Variants in SCARA3 observed in about 807,000 individuals in gnomAD.
SCARA3 encodes scavenger receptor class A member 3, also known as cellular stress response gene protein.
In SCARA3, 39 loss-of-function variants were observed where a neutral mutation model predicts 47.0. That is an observed-to-expected ratio of 0.83 (90% confidence interval 0.64 to 1.08). SCARA3 has a LOEUF of 1.08. Ranked by LOEUF, SCARA3 falls within the 50% of genes least tolerant of loss-of-function variation. The pLI, the probability that SCARA3 is intolerant of heterozygous loss-of-function variation, is 0.00. For synonymous variants in SCARA3, 356 were observed against 334.1 expected (o/e 1.07, Z -0.71); for missense variants, 724 against 792.3 (o/e 0.91, Z 1.04).
intron 5 of SCARA3, among the ~76,000 whole-genome samples, chr8:27,669,693 C>T (rs1013065770): frequency 7.2e-5 from 11 of 152,364 alleles, no homozygotes; most frequent in African/African-American, 2.2e-4. Flanking sequence ...GGCAGGGAAC[C>T]GACTGGAAGG....
At chr8:27,700,472 TG>T in the SCARA3 span, among the ~76,000 whole-genome samples, 1 of 151,982 alleles carries the variant, frequency 6.6e-6, no homozygotes, top group Non-Finnish European at 1.5e-5. Flanking sequence ...CTGGGCATGG[TG>T]GTGGGCTCCT....
chr8:27,720,240 C>T, the SCARA3 span, among the ~76,000 whole-genome samples: 102 of 142,730 alleles, frequency 7.1e-4, no homozygotes, highest in African/African-American at 1.8e-3. Context: ...GTCTGAGTGG[C>T]GAGGGGAGGC....
chr8:27,715,589 TGATAGATAGATA>T, the SCARA3 span, among the ~76,000 whole-genome samples: 94 of 45,758 alleles, frequency 2.1e-3, no homozygotes, highest in Admixed American at 6.1e-3. The surrounding 1 kb of genome is among the most constrained non-coding windows in gnomAD (Gnocchi z 4.2). Context: ...CCTAGATAGA[TGATAGATAGATA>T]GATAGATAGA....
the SCARA3 span, among the ~76,000 whole-genome samples, chr8:27,724,420 T>G: frequency 3.2e-4 from 49 of 152,090 alleles, no homozygotes; most frequent in Non-Finnish European, 1.0e-4. Flanking sequence ...TCCCAGCCCT[T>G]TGGGAGGCCG....
the SCARA3 span, among the ~76,000 whole-genome samples, chr8:27,720,053 C>T: frequency 7.9e-5 from 12 of 152,156 alleles, no homozygotes; most frequent in Admixed American, 3.9e-4. Context: ...AAACAGGAAA[C>T]GGCCAGGTCA....
the SCARA3 span, among the ~76,000 whole-genome samples, chr8:27,715,831 TAGA>T: frequency 2.1e-5 from 2 of 93,314 alleles, no homozygotes; most frequent in Non-Finnish European, 4.3e-5. The surrounding 1 kb of genome is among the most constrained non-coding windows in gnomAD (Gnocchi z 4.2). Flanking sequence ...AGATGATAGA[TAGA>T]TAGATAGATA....
chr8:27,672,714 A>C lies in SCARA3; in HGVS notation c.*1363A>C. 1 of 985,630 alleles carries C rather than the reference A, an allele frequency of 1.0e-6. No homozygotes were observed. Among genetic ancestry groups the C allele is most frequent in the Middle Eastern group, 5.2e-4 (1 of 1,914 alleles). The allele number at this position is 985,630 out of a possible 1,614,324, so 61.1% of individuals were successfully genotyped here. ...ACACTGGCAGAGAGGGGCGCTGGGAAATCACCCCACAGGGTGGAGGTCTCC... is the reference window on the plus strand; with the variant it reads ...ACACTGGCAGAGAGGGGCGCTGGGACATCACCCCACAGGGTGGAGGTCTCC... On this transcript the variant is annotated 3_prime_UTR_variant, in exon 6 of 6. Transcript: ENST00000301904.
intron 5 of SCARA3, among the ~76,000 whole-genome samples, chr8:27,667,711 T>A (rs868592751): frequency 3.3e-5 from 5 of 152,168 alleles, no homozygotes; most frequent in East Asian, 1.9e-4. Flanking sequence ...TTCTCCACCC[T>A]GTGGGAGATT....
At chr8:27,647,941 C>G (rs1194323692) in intron 1 of SCARA3, among the ~76,000 whole-genome samples, 2 of 152,182 alleles carry the variant, frequency 1.3e-5, no homozygotes, top group African/African-American at 4.8e-5. Flanking sequence ...ATTTGGGCCT[C>G]AGGTACTCAC....
the SCARA3 span, among the ~76,000 whole-genome samples, chr8:27,693,106 C>CAG: frequency 7.5e-6 from 1 of 133,620 alleles, no homozygotes; most frequent in Non-Finnish European, 1.6e-5. Context: ...GCCTGGGGAA[C>CAG]AGAGAGAGAC....
chr8:27,686,410 C>A, the SCARA3 span, among the ~76,000 whole-genome samples: 401 of 151,968 alleles, frequency 2.6e-3, 1 homozygote, highest in African/African-American at 9.1e-3. Flanking sequence ...TGCCACTGCA[C>A]TCCAGCCTCA....
chr8:27,733,711 C>T, the SCARA3 span: 7 of 152,340 alleles, frequency 4.6e-5, no homozygotes, highest in Non-Finnish European at 1.0e-4. Flanking sequence ...TTGTTATTTA[C>T]ATGCTGTACC....
Position 27,672,047 on chromosome 8 carries a change from G to A in SCARA3, c.*696G>A. 1 of 985,342 alleles carries A rather than the reference G, an allele frequency of 1.0e-6. No homozygotes were observed. The highest frequency in any genetic ancestry group is 1.2e-6 in the Non-Finnish European group (1 of 829,950). The allele number at this position is 985,342 out of a possible 1,614,324, so 61.0% of individuals were successfully genotyped here. A position where few individuals can be genotyped will look rare whatever the true frequency, so the allele number is the denominator to read the frequency against. On this transcript the variant is annotated 3_prime_UTR_variant, in exon 6 of 6. Transcript: ENST00000301904. ...CCCCAAGGAAACCTTTGCGGGTGGG[G>A]CGTTACTGCCAAAACTCCAGAGGCA...
the SCARA3 span, among the ~76,000 whole-genome samples, chr8:27,715,824 T>TATAGATA: frequency 2.5e-5 from 3 of 118,836 alleles, no homozygotes; most frequent in Non-Finnish European, 3.6e-5. This position sits in a 1 kb window ranked among gnomAD's most constrained non-coding sequence, Gnocchi z 4.2. Context: ...GATAGATAGA[T>TATAGATA]GATAGATAGA....
At chr8:27,692,853 G>A in the SCARA3 span, among the ~76,000 whole-genome samples, 2 of 152,188 alleles carry the variant, frequency 1.3e-5, no homozygotes, top group Non-Finnish European at 2.9e-5. Context: ...GGCCGGGTAT[G>A]GTGGCTCATG....
chr8:27,669,012 T>C (rs1250771855), intron 5 of SCARA3, among the ~76,000 whole-genome samples: 1 of 152,100 alleles, frequency 6.6e-6, no homozygotes, highest in African/African-American at 2.4e-5. Context: ...CTTCTCAGGC[T>C]TTTCCTGAGT....
At chr8:27,730,241 G>A in the SCARA3 span, among the ~76,000 whole-genome samples, 2 of 152,176 alleles carry the variant, frequency 1.3e-5, no homozygotes, top group Non-Finnish European at 2.9e-5. Context: ...ATAGAGGCCC[G>A]CTCAAGGGTA....
chr8:27,705,629 G>T, the SCARA3 span, among the ~76,000 whole-genome samples: 1 of 152,202 alleles, frequency 6.6e-6, no homozygotes, highest in Non-Finnish European at 1.5e-5. Flanking sequence ...GTATTCATTT[G>T]TTCAATAAGT....
the SCARA3 span, among the ~76,000 whole-genome samples, chr8:27,732,894 C>G: frequency 3.3e-5 from 5 of 152,188 alleles, no homozygotes; most frequent in South Asian, 2.1e-4. Context: ...ATAGTGTAAA[C>G]TCTATCATAA....
Sources: allele counts gnomAD v4.1 joint callset (sites outside exome capture counted in the v4.1 genomes callset), GRCh38; gene constraint gnomAD v4.1.1; non-coding constraint Gnocchi (gnomAD v3.1); transcripts MANE v1.5; gene names NCBI Gene and HGNC (gene_info 2026-07-23, HGNC 2026-07-21).